CAMK1D: variants seen among roughly 807,000 people sequenced by gnomAD.
The protein encoded by CAMK1D is calcium/calmodulin-dependent protein kinase type 1D.
In CAMK1D, 9 loss-of-function variants were observed where a neutral mutation model predicts 47.7. The ratio of observed to expected loss-of-function variants is 0.19; its 90% CI spans 0.11 to 0.33. The LOEUF is 0.33. CAMK1D is among the 10% of genes least tolerant of loss of function. The pLI, the probability that CAMK1D is intolerant of heterozygous loss-of-function variation, is 1.00. For synonymous variants in CAMK1D, 184 were observed against 184.9 expected, an observed-to-expected ratio of 0.99 and a Z score of 0.04; for missense variants, 291 against 488.7, an observed-to-expected ratio of 0.60 and a Z score of 3.81.
At chr10:12,365,612 G>A (rs1837808616) in intron 1 of CAMK1D, among the ~76,000 whole-genome samples, 1 of 151,392 alleles carries the variant, frequency 6.6e-6, no homozygotes, top group African/African-American at 2.4e-5. Flanking sequence ...CTAATTTTTT[G>A]TATTTTTAGT....
chr10:12,502,551 T>C (rs1032635142), intron 1 of CAMK1D, among the ~76,000 whole-genome samples: 8 of 152,150 alleles, frequency 5.3e-5, no homozygotes, highest in African/African-American at 1.9e-4. Flanking sequence ...ATCATTTACC[T>C]CCACCATACA....
rs149204988 is a variant in CAMK1D at position 12,762,192 on chromosome 10, G to A, written c.438+1106G>A. On this transcript the variant is annotated intron_variant, in intron 4 of 10. Coordinates refer to ENST00000619168, the MANE Select transcript of CAMK1D (RefSeq NM_153498.4). ...GTGACCTCATTCTAGGATGTTTACA[G>A]GTCCAGCCCCCAGAGCTTACTGCAC... 2.0e-5 allele frequency among the ~76,000 whole-genome samples: 3 copies of A among 152,286 alleles called. No individual in the cohort carries two copies. The East Asian group carries it at 5.8e-4, about 29-fold the overall frequency.
At chr10:12,672,369 C>T (rs1840651411) in intron 3 of CAMK1D, among the ~76,000 whole-genome samples, 1 of 151,478 alleles carries the variant, frequency 6.6e-6, no homozygotes, top group Non-Finnish European at 1.5e-5. Flanking sequence ...ATAATTTTAG[C>T]TTTTGCCTTC....
intron 4 of CAMK1D, among the ~76,000 whole-genome samples, chr10:12,766,361 C>CTTTTTT (rs61097569): frequency 2.9e-5 from 3 of 103,374 alleles, no homozygotes; most frequent in African/African-American, 7.7e-5. Flanking sequence ...TTGCCTGTTT[C>CTTTTTT]TTTTTTTTTT....
intron 1 of CAMK1D, among the ~76,000 whole-genome samples, chr10:12,375,342 C>T (rs1198721895): frequency 6.6e-6 from 1 of 152,154 alleles, no homozygotes; most frequent in Non-Finnish European, 1.5e-5. Context: ...AGAACGTTCC[C>T]CCACTATTTT....
intron 1 of CAMK1D, among the ~76,000 whole-genome samples, chr10:12,368,215 T>A (rs12414041): frequency 0.2 from 25,636 of 131,364 alleles, 2,533 homozygotes; most frequent in East Asian, 0.38. Flanking sequence ...AAAAAAAAAA[T>A]AAAATAAAAT....
At chr10:12,701,574 C>T (rs918019305) in intron 3 of CAMK1D, among the ~76,000 whole-genome samples, 5 of 152,136 alleles carry the variant, frequency 3.3e-5, no homozygotes, top group Non-Finnish European at 7.4e-5. Flanking sequence ...GGCAGTGTGG[C>T]TTCTTAAGTG....
intron 1 of CAMK1D, among the ~76,000 whole-genome samples, chr10:12,400,656 A>C (rs1171906556): frequency 6.6e-6 from 1 of 152,064 alleles, no homozygotes; most frequent in African/African-American, 2.4e-5. Context: ...TGAGGGACTG[A>C]GTGTATTTTG....
intron 10 of CAMK1D, among the ~76,000 whole-genome samples, chr10:12,827,178 TTCTC>T (rs56296515): frequency 2.0e-5 from 3 of 150,592 alleles, no homozygotes; most frequent in Admixed American, 6.6e-5. Context: ...TCCCTCTCTC[TTCTC>T]TCTTTTCTTT....
intron 6 of CAMK1D, among the ~76,000 whole-genome samples, chr10:12,792,789 C>A (rs1325713611): frequency 6.6e-6 from 1 of 152,230 alleles, no homozygotes; most frequent in African/African-American, 2.4e-5. Flanking sequence ...TGGTAAAGGG[C>A]AGATTCACCT....
intron 1 of CAMK1D, among the ~76,000 whole-genome samples, chr10:12,357,565 C>T (rs957463915): frequency 2.6e-5 from 4 of 152,188 alleles, no homozygotes. Context: ...ATCTGCTCAC[C>T]TCAGCCTCAC....
intron 5 of CAMK1D, among the ~76,000 whole-genome samples, chr10:12,772,392 C>A (rs906679312): frequency 3.3e-5 from 5 of 152,146 alleles, no homozygotes; most frequent in Admixed American, 1.3e-4. Flanking sequence ...GATACTGTGG[C>A]CTGCCCATCT....
intron 1 of CAMK1D, among the ~76,000 whole-genome samples, chr10:12,370,663 G>C (rs1837976496): frequency 6.6e-6 from 1 of 152,046 alleles, no homozygotes; most frequent in Non-Finnish European, 1.5e-5. Context: ...GTTAGACTGC[G>C]GTGGCGTGAT....
chr10:12,628,616 A>G (rs1839292274), intron 2 of CAMK1D, among the ~76,000 whole-genome samples: 1 of 152,212 alleles, frequency 6.6e-6, no homozygotes. Flanking sequence ...TTGATGAGCC[A>G]GTATTGGTAC....
At chr10:12,480,454 C>CA (rs72032629) in intron 1 of CAMK1D, among the ~76,000 whole-genome samples, 60 of 150,100 alleles carry the variant, frequency 4.0e-4, no homozygotes, top group African/African-American at 6.3e-4. Context: ...AAACAAAAAA[C>CA]AAAAAAAAAC....
chr10:12,816,258 T>C lies in CAMK1D; in HGVS notation c.763T>C (p.Phe255Leu), dbSNP rs201325490. The C allele has an allele frequency of 6.2e-7, 1 of 1,613,862 alleles. No homozygotes were observed. The highest frequency in any genetic ancestry group is 2.2e-5 in the East Asian group (1 of 44,870). Reference protein sequence around the residue: ...WDDISDSAKDFIRNLMEKDPN... With the variant: ...WDDISDSAKDLIRNLMEKDPN... The stretch of plus-strand genomic sequence containing the variant: ...GCCTTCTTTTTGAACAGCAAAAGAC[T>C]TCATTCGGAACCTGATGGAGAAGGA... The change falls in exon 8 of 11, where the codon TTC (phenylalanine) becomes CTC (leucine). Residue 255 changes from phenylalanine to leucine, a missense_variant. By Grantham distance (22) the Phe-to-Leu change is conservative. This residue lies in a region of CAMK1D where 219 missense variants were observed against 424.3 expected (regional missense o/e 0.52). Transcript: ENST00000619168.
At chr10:12,495,266 T>TA (rs1834503155) in intron 1 of CAMK1D, among the ~76,000 whole-genome samples, 2 of 152,100 alleles carry the variant, frequency 1.3e-5, no homozygotes, top group East Asian at 1.9e-4. Flanking sequence ...ACTTACTTTT[T>TA]AAAAAAAACT....
At chr10:12,641,615 A>G (rs967714185) in intron 2 of CAMK1D, among the ~76,000 whole-genome samples, 5 of 146,046 alleles carry the variant, frequency 3.4e-5, no homozygotes, top group African/African-American at 8.0e-5. Context: ...TGAGATCCCC[A>G]TCTCAAAAAA....
At chr10:12,700,804 C>A (rs1588819730) in intron 3 of CAMK1D, among the ~76,000 whole-genome samples, 1 of 152,158 alleles carries the variant, frequency 6.6e-6, no homozygotes, top group Non-Finnish European at 1.5e-5. Flanking sequence ...CAGGAATGAC[C>A]ACAAAATTGC....
Sources: gnomAD v4.1 joint callset for allele counts (sites outside exome capture counted in the v4.1 genomes callset) on GRCh38, gnomAD v4.1.1 for gene constraint, gnomAD v4.1.1 regional missense constraint, MANE v1.5 for transcripts, NCBI Gene and HGNC (gene_info 2026-07-23, HGNC 2026-07-21) for gene names.